Variants in RFX7 observed in about 807,000 individuals in gnomAD.
The protein encoded by RFX7 is DNA-binding protein RFX7.
RFX7 carries 26 observed loss-of-function variants against 111.8 expected under a neutral mutation model. The ratio of observed to expected loss-of-function variants is 0.23; its 90% confidence interval spans 0.17 to 0.32. The LOEUF is 0.32. Ranked by LOEUF, RFX7 falls within the 10% of genes least tolerant of loss-of-function variation. RFX7 has a pLI of 1.00. For missense variants in RFX7, 1,573 were observed against 1,772.9 expected (o/e 0.89, Z 2.02); for synonymous variants, 624 against 624.4 (o/e 1.00, Z 0.01).
chr15:56,177,284 C>T (rs184445944), intron 3 of RFX7, among the ~76,000 whole-genome samples: 1 of 152,238 alleles, frequency 6.6e-6, no homozygotes, highest in Non-Finnish European at 1.5e-5. Flanking sequence ...TTTTCCTGGC[C>T]ACCCTATCTA....
intron 5 of RFX7, among the ~76,000 whole-genome samples, chr15:56,138,428 G>C (rs1483237385): frequency 1.3e-5 from 2 of 149,814 alleles, no homozygotes; most frequent in African/African-American, 2.5e-5. Flanking sequence ...TCAGAGAATA[G>C]TATTGCAACC....
Position 56,095,053 on chromosome 15 carries a change from A to T in RFX7, c.2675T>A (p.Val892Glu), listed in dbSNP as rs1304675752. 1 of 1,613,888 alleles carries T rather than the reference A, an allele frequency of 6.2e-7. No individual in the cohort carries two copies. The highest frequency in any genetic ancestry group is 8.5e-7 in the Non-Finnish European group (1 of 1,179,904). Residue 892 changes from valine to glutamate, a missense_variant, in exon 10 of 10, where the codon GTG (valine) becomes GAG (glutamate). Around this residue, in one of 7 missense-constraint regions of RFX7, gnomAD observed 625 missense variants for 632.2 expected, o/e 0.99. Transcript: ENST00000559447. ...LTQDSIVEEL[V>E]LMEQQMSMNN... ...CATTGACATTTGCTGCTCCATAAGC[A>T]CCAGCTCTTCCACAATACTATCTTG...
At chr15:56,234,606 G>A (rs2043602708) in intron 2 of RFX7, among the ~76,000 whole-genome samples, 3 of 152,162 alleles carry the variant, frequency 2.0e-5, no homozygotes, top group Non-Finnish European at 4.4e-5. Flanking sequence ...GTTGGAATAC[G>A]TTTCTCAGGT....
At chr15:56,149,694 A>G (rs2042540472) in intron 3 of RFX7, among the ~76,000 whole-genome samples, 1 of 152,160 alleles carries the variant, frequency 6.6e-6, no homozygotes, top group East Asian at 1.9e-4. Flanking sequence ...TGGTCTTCGT[A>G]ACCCACAAAC....
At position 56,237,227 on chromosome 15, in the gene RFX7, C is replaced by T. The variant is rs9783738; in HGVS notation, c.161+5898G>A. ...ACTAAGGTCTACTTTTTCCACAGTG[C>T]ATTACCTTGACACTTGTCACTTCTT... is the stretch of plus-strand genomic sequence containing the variant. On this transcript the variant is annotated intron_variant, in intron 2 of 9. Transcript: ENST00000559447. Among the ~76,000 whole-genome samples, 685 of 152,256 alleles carry T rather than the reference C, an allele frequency of 4.5e-3. 7 individuals carry two copies. Among genetic ancestry groups the T allele is most frequent in the African/African-American group, 0.016 (661 of 41,558 alleles).
In RFX7 at chr15:56,098,212, C is replaced by T. The variant is rs752091311; in HGVS notation, c.976G>A (p.Gly326Arg). 2 of 1,613,832 alleles carry T rather than the reference C, an allele frequency of 1.2e-6. No homozygotes were observed. The highest frequency in any genetic ancestry group is 1.7e-6 in the Non-Finnish European group (2 of 1,179,854). ...QEQKLQSPLP[G>R]ESAAKKSESA... ...TCTGACTTTTTTGCTGCAGATTCTC[C>T]TGGCAAAGGGGATTGTAGTTTCTGT... Residue 326 changes from glycine to arginine, a missense_variant, in exon 9 of 10, where the codon GGA (glycine) becomes AGA (arginine). This residue lies in a region of RFX7 where 288 missense variants were observed against 337.9 expected (regional missense o/e 0.85). Transcript: ENST00000559447.
At chr15:56,208,709 A>T (rs72738664) in intron 2 of RFX7, among the ~76,000 whole-genome samples, 1 of 152,104 alleles carries the variant, frequency 6.6e-6, no homozygotes, top group Non-Finnish European at 1.5e-5. Context: ...AATAGAAATT[A>T]TAAGAACTAA....
At chr15:56,120,516 C>G (rs1400565781) in intron 5 of RFX7, among the ~76,000 whole-genome samples, 1 of 152,102 alleles carries the variant, frequency 6.6e-6, no homozygotes, top group Non-Finnish European at 1.5e-5. Flanking sequence ...GCTAGCACTT[C>G]TAGTACTATT....
chr15:56,101,661 A>G (rs2041755374), intron 7 of RFX7, 95 bp from the exon 8 acceptor site: 1 of 1,151,522 alleles, frequency 8.7e-7, no homozygotes, highest in African/African-American at 1.6e-5. Flanking sequence ...AGAAGATACA[A>G]TATAAATCTG....
At chr15:56,153,025 C>T (rs1327677480) in intron 3 of RFX7, among the ~76,000 whole-genome samples, 1 of 152,160 alleles carries the variant, frequency 6.6e-6, no homozygotes, top group African/African-American at 2.4e-5. Flanking sequence ...AGTCGAATCC[C>T]TGAATAGACC....
At chr15:56,241,805 T>G (rs1263357031) in intron 2 of RFX7, among the ~76,000 whole-genome samples, 3 of 152,188 alleles carry the variant, frequency 2.0e-5, no homozygotes, top group African/African-American at 7.2e-5. Flanking sequence ...CCAAAAAAAT[T>G]CTCCTTTAAA....
At position 56,153,144 on chromosome 15, in the gene RFX7, G is replaced by A. The variant is rs182994626; in HGVS notation, c.196-8661C>T. On this transcript the variant is annotated intron_variant, in intron 3 of 9. Transcript: ENST00000559447. ...TCTACCAGAGGTACAAAGAGGAGCT[G>A]GTACCATTCCATCTGAAACTATTCT... 2.7e-3 allele frequency among the ~76,000 whole-genome samples: 405 copies of A among 152,222 alleles called. 1 individual carries two copies. The highest frequency in any genetic ancestry group is 9.4e-3 in the African/African-American group (390 of 41,532).
rs190202591 is a variant in RFX7 at position 56,135,934 on chromosome 15, G to A, written c.401+6844C>T. Among the ~76,000 whole-genome samples, 465 of 152,192 alleles carry A rather than the reference G, an allele frequency of 3.1e-3. 1 individual carries two copies. Among genetic ancestry groups the A allele is most frequent in the African/African-American group, 9.4e-3 (389 of 41,520 alleles). ...AAAGATCAGATAGTTGTAGATATGC[G>A]GCATTATTTTTGAGGGCTCTGTTGT... is the stretch of plus-strand genomic sequence containing the variant. On this transcript the variant is annotated intron_variant, in intron 5 of 9. Transcript: ENST00000559447.
At chr15:56,098,052 T>A (rs1375227766) in intron 9 of RFX7, 29 bp downstream of exon 9, 1 of 1,597,642 alleles carries the variant, frequency 6.3e-7, no homozygotes, top group South Asian at 1.1e-5. Context: ...ACCATCCCAA[T>A]AAGGCCAAAT....
intron 2 of RFX7, among the ~76,000 whole-genome samples, chr15:56,192,054 G>T (rs1056578959): frequency 6.6e-6 from 1 of 152,052 alleles, no homozygotes; most frequent in Non-Finnish European, 1.5e-5. Context: ...AATGAATTCA[G>T]GCAATTCTTT....
intron 3 of RFX7, among the ~76,000 whole-genome samples, chr15:56,164,343 C>T (rs2042759094): frequency 6.6e-6 from 1 of 152,168 alleles, no homozygotes; most frequent in Non-Finnish European, 1.5e-5. Flanking sequence ...GCACCAGATG[C>T]TTGATTTGCT....
chr15:56,188,645 C>T (rs1024471142), intron 2 of RFX7, among the ~76,000 whole-genome samples: 5 of 152,200 alleles, frequency 3.3e-5, no homozygotes, highest in East Asian at 1.9e-4. Context: ...CAAAGCAATT[C>T]GAGGGACAAA....
chr15:56,099,703 A>G (rs1337065654), intron 8 of RFX7, among the ~76,000 whole-genome samples: 3 of 151,908 alleles, frequency 2.0e-5, no homozygotes, highest in Admixed American at 1.3e-4. Context: ...AAAATATAGT[A>G]AGGGCTGAGA....
intron 2 of RFX7, among the ~76,000 whole-genome samples, chr15:56,182,340 G>C (rs1293647789): frequency 6.6e-6 from 1 of 151,974 alleles, no homozygotes; most frequent in African/African-American, 2.4e-5. Context: ...TGGTAGATGA[G>C]GGCCCTGGAA....
Sources: allele counts gnomAD v4.1 joint callset (sites outside exome capture counted in the v4.1 genomes callset), GRCh38; gene constraint gnomAD v4.1.1; regional missense constraint gnomAD v4.1.1; transcripts MANE v1.5; gene names NCBI Gene and HGNC (gene_info 2026-07-23, HGNC 2026-07-21).